Variants in GHR observed in about 807,000 individuals in gnomAD.
GHR encodes growth hormone receptor.
GHR carries 35 observed loss-of-function variants against 67.1 expected under a neutral mutation model. That is an observed-to-expected ratio of 0.52 (90% CI 0.40 to 0.69). The LOEUF (loss-of-function observed/expected upper bound fraction) is 0.69. Among genes scored for constraint, GHR ranks in the 30% least tolerant of loss-of-function variants. The probability of loss-of-function intolerance (pLI) is 0.00; values close to 1 mark genes in which losing one functional copy is unlikely to be tolerated. For missense variants in GHR, 792 were observed against 764.6 expected (o/e 1.04, Z -0.42); for synonymous variants, 272 against 269.1 (o/e 1.01, Z -0.10).
chr5:42,605,199 T>A (rs940392641), intron 2 of GHR, among the ~76,000 whole-genome samples: 1 of 148,228 alleles, frequency 6.7e-6, no homozygotes, highest in Non-Finnish European at 1.5e-5. Context: ...CGGGTTCAAG[T>A]GATTCCCCTG....
chr5:42,564,737 C>T (rs919168641), intron 1 of GHR, among the ~76,000 whole-genome samples: 1 of 152,122 alleles, frequency 6.6e-6, no homozygotes. Flanking sequence ...TTATTTCAGC[C>T]TGATTAGGGA....
chr5:42,707,035 A>G (rs1489435071), intron 6 of GHR, among the ~76,000 whole-genome samples: 1 of 151,728 alleles, frequency 6.6e-6, no homozygotes, highest in Non-Finnish European at 1.5e-5. Context: ...ATGTTTTTCC[A>G]TTTGCGTTAT....
chr5:42,508,636 C>T lies in GHR; in HGVS notation c.-11-57228C>T, dbSNP rs540749897. On this transcript the variant is annotated intron_variant, in intron 1 of 9. Transcript: ENST00000230882. Reference sequence around the variant, plus strand: ...TCGCCCAGGCTGGAGTGCAGTGGCACGATCTCGGCTCACTGCAAGCTGCGC... The same window carrying T: ...TCGCCCAGGCTGGAGTGCAGTGGCATGATCTCGGCTCACTGCAAGCTGCGC... Among the ~76,000 whole-genome samples, 811 of 152,316 alleles carry T rather than the reference C, an allele frequency of 5.3e-3. 5 individuals are homozygous for T. The highest frequency in any genetic ancestry group is 0.01 in the Middle Eastern group (3 of 294).
rs1418423482 is a variant in GHR, at chr5:42,424,460, TG to T, written c.-12+509del. The T allele has an allele frequency of 2.7e-6, 2 of 735,162 alleles. No homozygotes were observed. The highest frequency in any genetic ancestry group is 4.7e-6 in the Non-Finnish European group (2 of 428,368). The allele number at this position is 735,162 out of a possible 1,614,324, so 45.5% of individuals were successfully genotyped here. A position where few individuals can be genotyped will look rare whatever the true frequency, so the allele number is the denominator to read the frequency against. On this transcript the variant is annotated intron_variant, in intron 1 of 9. Transcript: ENST00000230882. The surrounding 1 kb of genome is among the most constrained non-coding windows in gnomAD (Gnocchi z 4.1). ...TCCCCGGCAGCGCGACTGGAGAGAC[TG>T]GGGAGGTCGAGCTGTGCGCGTGGAC... is the stretch of plus-strand genomic sequence containing the variant.
At chr5:42,510,863 A>C (rs1313954982) in intron 1 of GHR, among the ~76,000 whole-genome samples, 1 of 152,210 alleles carries the variant, frequency 6.6e-6, no homozygotes, top group Non-Finnish European at 1.5e-5. Context: ...CTCTGGGTGC[A>C]GGCGCTCATC....
In GHR at chr5:42,534,510, G is replaced by GTA. The variant is rs1441338951; in HGVS notation, c.-11-31350_-11-31349dup. ...TATATGTATGTATATATGTACATAT[G>GTA]TATATGTGTATATATGTATGTATAT... On this transcript the variant is annotated intron_variant, in intron 1 of 9. Coordinates refer to ENST00000230882, the MANE Select transcript of GHR (RefSeq NM_000163.5). 2.3e-3 allele frequency among the ~76,000 whole-genome samples: 327 copies of GTA among 142,056 alleles called. 1 individual carries two copies. The highest frequency in any genetic ancestry group is 8.6e-3 in the African/African-American group (297 of 34,498). The allele number at this position is 142,056 out of a possible 152,430, so 93.2% of individuals were successfully genotyped here.
chr5:42,531,765 C>G (rs1159488662), intron 1 of GHR, among the ~76,000 whole-genome samples: 2 of 151,962 alleles, frequency 1.3e-5, no homozygotes, highest in East Asian at 3.9e-4. Flanking sequence ...TCACAATGGC[C>G]CAATGAAACA....
At chr5:42,710,192 G>A (rs1360931998) in intron 6 of GHR, among the ~76,000 whole-genome samples, 9 of 151,950 alleles carry the variant, frequency 5.9e-5, no homozygotes, top group African/African-American at 1.9e-4. Context: ...TACACATGAG[G>A]CAAAAAAAGA....
intron 5 of GHR, among the ~76,000 whole-genome samples, chr5:42,695,494 C>T (rs35026768): frequency 0.017 from 2,542 of 152,188 alleles, 59 homozygotes; most frequent in African/African-American, 0.055. Flanking sequence ...TGACCTCTAC[C>T]ATTGCTGTAA....
intron 1 of GHR, among the ~76,000 whole-genome samples, chr5:42,455,459 C>A (rs779206164): frequency 1.5e-4 from 23 of 152,176 alleles, no homozygotes; most frequent in Non-Finnish European, 2.4e-4. Context: ...AGCTGAGATA[C>A]CATCTTTTGT....
chr5:42,510,075 C>T (rs1039470191), intron 1 of GHR, among the ~76,000 whole-genome samples: 3 of 152,194 alleles, frequency 2.0e-5, no homozygotes, highest in Non-Finnish European at 2.9e-5. Flanking sequence ...CCTCATCCGT[C>T]AGTTATCCCC....
chr5:42,500,917 G>A (rs879610671), intron 1 of GHR, among the ~76,000 whole-genome samples: 2 of 152,276 alleles, frequency 1.3e-5, no homozygotes, highest in Non-Finnish European at 1.5e-5. Context: ...TGTGAGGTAC[G>A]TTTTAGAATA....
At chr5:42,601,902 T>G (rs973936258) in intron 2 of GHR, among the ~76,000 whole-genome samples, 8 of 152,108 alleles carry the variant, frequency 5.3e-5, no homozygotes, top group Non-Finnish European at 1.2e-4. Flanking sequence ...TCAAAAACTT[T>G]CTTTCTCTGG....
At chr5:42,650,328 A>G (rs558775777) in intron 3 of GHR, among the ~76,000 whole-genome samples, 87 of 152,230 alleles carry the variant, frequency 5.7e-4, no homozygotes, top group African/African-American at 2.1e-3. Context: ...ATTTGCAAGC[A>G]AGGACAGGAA....
intron 3 of GHR, among the ~76,000 whole-genome samples, chr5:42,685,925 T>C (rs2111631470): frequency 6.6e-6 from 1 of 152,352 alleles, no homozygotes. Context: ...TCTTTTGCTG[T>C]GCAGAAGCTC....
intron 1 of GHR, among the ~76,000 whole-genome samples, chr5:42,564,725 C>T (rs900581387): frequency 1.3e-5 from 2 of 152,148 alleles, no homozygotes; most frequent in African/African-American, 2.4e-5. Flanking sequence ...CATCTTTGCT[C>T]ATTATTTCAG....
At chr5:42,541,609 G>T (rs1277446088) in intron 1 of GHR, among the ~76,000 whole-genome samples, 2 of 152,140 alleles carry the variant, frequency 1.3e-5, no homozygotes, top group Non-Finnish European at 2.9e-5. Flanking sequence ...AGACCAATTT[G>T]GGTGTTGGGA....
chr5:42,605,226 C>A (rs1374528063), intron 2 of GHR, among the ~76,000 whole-genome samples: 1 of 151,700 alleles, frequency 6.6e-6, no homozygotes, highest in Non-Finnish European at 1.5e-5. Flanking sequence ...GTCTCAGCCT[C>A]CCGAGTAGCT....
intron 2 of GHR, among the ~76,000 whole-genome samples, chr5:42,586,864 G>A (rs1561145799): frequency 6.6e-6 from 1 of 152,164 alleles, no homozygotes; most frequent in Non-Finnish European, 1.5e-5. Flanking sequence ...TGAGCACGTG[G>A]CACTGGGTAT....
Sources: gnomAD v4.1 joint callset for allele counts (sites outside exome capture counted in the v4.1 genomes callset) on GRCh38, gnomAD v4.1.1 for gene constraint, Gnocchi (gnomAD v3.1) non-coding constraint, MANE v1.5 for transcripts, NCBI Gene and HGNC (gene_info 2026-07-23, HGNC 2026-07-21) for gene names.